VPS8: variants seen among roughly 807,000 people sequenced by gnomAD.
The protein encoded by VPS8 is vacuolar protein sorting-associated protein 8 homolog.
A neutral mutation model predicts 216.4 loss-of-function variants in VPS8; 129 were observed. The observed-to-expected ratio is 0.60, with a 90% confidence interval of 0.52 to 0.69. The LOEUF (loss-of-function observed/expected upper bound fraction) is 0.69, where lower values mean the gene tolerates loss of function less well. Ranked by LOEUF, VPS8 falls within the 30% of genes least tolerant of loss-of-function variation. The probability of loss-of-function intolerance (pLI) is 0.00; values close to 1 mark genes in which losing one functional copy is unlikely to be tolerated. For synonymous variants in VPS8, 571 were observed against 565.4 expected, an observed-to-expected ratio of 1.01 and a Z score of -0.14; for missense variants, 1,531 against 1,683.5, an observed-to-expected ratio of 0.91 and a Z score of 1.59.
intron 36 of VPS8, among the ~76,000 whole-genome samples, chr3:184,950,708 C>T (rs1210629718): frequency 6.6e-6 from 1 of 151,828 alleles, no homozygotes. Context: ...CCTCTAAGTT[C>T]CCTCCCCTCG....
chr3:184,902,206 G>A (rs1734634882), intron 25 of VPS8, among the ~76,000 whole-genome samples: 1 of 151,428 alleles, frequency 6.6e-6, no homozygotes, highest in Non-Finnish European at 1.5e-5. Flanking sequence ...GGCCAGGCAT[G>A]GTGGCTCATG....
intron 25 of VPS8, among the ~76,000 whole-genome samples, chr3:184,910,126 CTATTTTTTTTTTTTTT>C (rs1736213901): frequency 7.6e-6 from 1 of 131,532 alleles, no homozygotes; most frequent in African/African-American, 3.1e-5. Context: ...CAAGATTCTC[CTATTTTTTTTTTTTTT>C]TTTTTTTTGA....
chr3:184,866,902 T>C lies in VPS8; in HGVS notation c.1422T>C (p.Tyr474=). ...ALALVGEKAC[Y]QSISSYGGQI... The stretch of plus-strand genomic sequence containing the variant: ...CTTTGGTTGGAGAGAAGGCTTGTTA[T>C]CAATCCATCAGTAGCTATGGTGGTC... The change falls in exon 17 of 48, where the codon TAT becomes TAC. Residue 474 remains tyrosine (Y), a synonymous_variant. Coordinates refer to ENST00000625842, the MANE Select transcript of VPS8 (RefSeq NM_001009921.3). The C allele has an allele frequency of 1.2e-6, 2 of 1,613,166 alleles. No homozygotes were observed. The highest frequency in any genetic ancestry group is 1.7e-6 in the Non-Finnish European group (2 of 1,179,576).
At chr3:184,862,481 A>G (rs1156235792) in intron 15 of VPS8, among the ~76,000 whole-genome samples, 2 of 152,216 alleles carry the variant, frequency 1.3e-5, no homozygotes, top group Admixed American at 6.5e-5. Context: ...GTATTGTTTC[A>G]GTGCTAACAA....
chr3:184,925,320 C>T (rs570804144), intron 30 of VPS8, among the ~76,000 whole-genome samples: 17 of 152,180 alleles, frequency 1.1e-4, no homozygotes, highest in Admixed American at 2.6e-4. Flanking sequence ...TACTTTTGTA[C>T]AATCTCAGTT....
intron 42 of VPS8, 77 bp downstream of exon 42, chr3:184,983,171 C>A: frequency 1.6e-6 from 2 of 1,259,414 alleles, no homozygotes; most frequent in Non-Finnish European, 2.1e-6. Flanking sequence ...GTGAATTGGG[C>A]TAATATTTAA....
In VPS8 at chr3:184,855,772, A is replaced by T. The variant is rs1725128913; in HGVS notation, c.1097A>T (p.Asn366Ile). 1.2e-6 allele frequency: 2 copies of T among 1,613,740 alleles called. No homozygotes were observed. Among genetic ancestry groups the T allele is most frequent in the Non-Finnish European group, 8.5e-7 (1 of 1,179,810 alleles). ...WHFVAVQNYVNPMLAFCRGDV... is the reference protein window; with the variant it reads ...WHFVAVQNYVIPMLAFCRGDV... ...TTTGTAGCAGTACAAAATTACGTGA[A>T]TCCCATGCTTGCCTTCTGCAGAGGA... Residue 366 changes from asparagine to isoleucine, a missense_variant, in exon 14 of 48, where the codon AAT becomes ATT. Asn to Ile is a moderately radical substitution (Grantham distance 149). Transcript: ENST00000625842.
intron 47 of VPS8, 106 bp from the exon 48 acceptor site, chr3:185,051,770 C>A: frequency 7.5e-7 from 1 of 1,327,316 alleles, no homozygotes; most frequent in Non-Finnish European, 1.0e-6. Context: ...TGTTACTACT[C>A]CTGCAACACA....
At chr3:184,949,922 A>C (rs1443898412) in intron 36 of VPS8, among the ~76,000 whole-genome samples, 2 of 151,550 alleles carry the variant, frequency 1.3e-5, no homozygotes, top group African/African-American at 4.8e-5. Context: ...GTTGTTTTTT[A>C]ATTGAGACAG....
rs546486253 is a variant in VPS8 at position 184,819,960 on chromosome 3, A to G, written c.-88-4585A>G. Among the ~76,000 whole-genome samples the G allele has an allele frequency of 2.0e-4, 31 of 152,350 alleles. 2 individuals are homozygous for G. In the South Asian group the frequency reaches 6.2e-3, roughly 31 times the overall value. On this transcript the variant is annotated intron_variant, in intron 1 of 47. Coordinates refer to ENST00000625842, the MANE Select transcript of VPS8 (RefSeq NM_001009921.3). Reference sequence around the variant, plus strand: ...TTTCATTACGTGTAAGTGGATCATTATAAAGGCCTTCATCCTTGTCTGAAC... The same window carrying G: ...TTTCATTACGTGTAAGTGGATCATTGTAAAGGCCTTCATCCTTGTCTGAAC...
chr3:184,927,686 T>C (rs1308717036), intron 31 of VPS8, among the ~76,000 whole-genome samples: 1 of 152,126 alleles, frequency 6.6e-6, no homozygotes, highest in Non-Finnish European at 1.5e-5. Context: ...CAGAACTCTT[T>C]TATCTTCCCA....
chr3:184,959,542 C>T (rs1252050065), intron 37 of VPS8, among the ~76,000 whole-genome samples: 1 of 152,014 alleles, frequency 6.6e-6, no homozygotes, highest in African/African-American at 2.4e-5. Context: ...CACCACCACC[C>T]CAGAAAAAAA....
rs181182799 is a variant in VPS8 at position 184,919,986 on chromosome 3, G to T, written c.2383-141G>T. ...ACTCACTAAAAATAATGTCACGCAA[G>T]GTGTATAAGACAAAACCTAATGAGG... is the stretch of plus-strand genomic sequence containing the variant. On this transcript the variant is annotated intron_variant, in intron 28 of 47. Transcript: ENST00000625842. 169 of 548,480 alleles carry T rather than the reference G, an allele frequency of 3.1e-4. 1 individual carries two copies. The highest frequency in any genetic ancestry group is 4.6e-4 in the Non-Finnish European group (144 of 313,978). 34.0% of individuals were successfully genotyped at this position (548,480 alleles called of 1,614,324 possible).
At chr3:184,931,279 A>C (rs1578302520) in intron 34 of VPS8, among the ~76,000 whole-genome samples, 1 of 152,182 alleles carries the variant, frequency 6.6e-6, no homozygotes, top group East Asian at 1.9e-4. Flanking sequence ...TATTTTATCT[A>C]TTCTGTTTAT....
At chr3:185,036,190 A>G (rs1758849603) in intron 46 of VPS8, among the ~76,000 whole-genome samples, 1 of 152,206 alleles carries the variant, frequency 6.6e-6, no homozygotes, top group African/African-American at 2.4e-5. Context: ...ATGCTGCCCA[A>G]AGCAATTTAC....
At chr3:184,978,397 T>C (rs949805131) in intron 40 of VPS8, among the ~76,000 whole-genome samples, 11 of 151,972 alleles carry the variant, frequency 7.2e-5, no homozygotes, top group Middle Eastern at 3.4e-3. Flanking sequence ...CCTCCTTCTC[T>C]TCTTCCCTCT....
chr3:184,890,875 G>A (rs1732208527), intron 22 of VPS8, among the ~76,000 whole-genome samples: 1 of 151,214 alleles, frequency 6.6e-6, no homozygotes, highest in Admixed American at 6.6e-5. Context: ...TTGGTTTTGT[G>A]TATTTTTTTT....
At chr3:184,824,976 G>A (rs953724839) in intron 2 of VPS8, 191 bp downstream of exon 2, 11 of 588,872 alleles carry the variant, frequency 1.9e-5, no homozygotes, top group African/African-American at 7.5e-5. Context: ...TGCAAACATG[G>A]CTCACTGAAG....
chr3:184,831,137 G>A (rs897642506), intron 3 of VPS8, among the ~76,000 whole-genome samples: 2 of 152,160 alleles, frequency 1.3e-5, no homozygotes, highest in Admixed American at 1.3e-4. Context: ...AAGGAGAGAT[G>A]TACCGAAAAC....
Sources: gnomAD v4.1 joint callset for allele counts (sites outside exome capture counted in the v4.1 genomes callset) on GRCh38, gnomAD v4.1.1 for gene constraint, MANE v1.5 for transcripts, NCBI Gene and HGNC (gene_info 2026-07-23, HGNC 2026-07-21) for gene names.